FBXO32: variants seen among roughly 807,000 people sequenced by gnomAD.
FBXO32 encodes F-box protein 32, also known as F-box only protein 32.
Under a neutral mutation model 48.3 loss-of-function variants are expected in FBXO32, and 15 were observed. The ratio of observed to expected loss-of-function variants is 0.31; its 90% CI spans 0.21 to 0.48. The LOEUF is 0.48. Ranked by LOEUF, FBXO32 falls within the 20% of genes least tolerant of loss-of-function variation. The pLI is 0.99. For missense variants in FBXO32, 309 were observed against 432.7 expected (o/e 0.71, Z 2.54); for synonymous variants, 154 against 165.9 (o/e 0.93, Z 0.55).
At chr8:123,524,180 T>A (rs1458022270) in intron 4 of FBXO32, among the ~76,000 whole-genome samples, 1 of 152,134 alleles carries the variant, frequency 6.6e-6, no homozygotes, top group Non-Finnish European at 1.5e-5. Context: ...CCCTACTACA[T>A]CTAGGGTGGT....
Position 123,502,299 on chromosome 8 carries a change from A to G in FBXO32, c.*1074T>C, listed in dbSNP as rs906863084. On this transcript the variant is annotated 3_prime_UTR_variant, in exon 9 of 9. Coordinates refer to ENST00000517956, the MANE Select transcript of FBXO32 (RefSeq NM_058229.4). ...TTTCGAGCCTCAGCACTTGGGCCCC[A>G]CTCTGTCCACAGACACAGGCTTATC... The G allele has an allele frequency of 5.9e-5, 9 of 152,220 alleles. No homozygotes were observed. Among genetic ancestry groups the G allele is most frequent in the African/African-American group, 2.2e-4 (9 of 41,440 alleles). The allele number at this position is 152,220 out of a possible 1,614,324, so 9.4% of individuals were successfully genotyped here. A position where few individuals can be genotyped will look rare whatever the true frequency, so the allele number is the denominator to read the frequency against.
chr8:123,520,586 G>A, intron 4 of FBXO32, among the ~76,000 whole-genome samples: 1 of 152,184 alleles, frequency 6.6e-6, no homozygotes, highest in African/African-American at 2.4e-5. Flanking sequence ...AAATCTCAGA[G>A]CGGATATCAA....
chr8:123,533,053 T>C (rs1817241079), intron 3 of FBXO32, 138 bp downstream of exon 3: 1 of 649,932 alleles, frequency 1.5e-6, no homozygotes, highest in Admixed American at 2.9e-5. Context: ...GGCTAAATAA[T>C]AGACTAATAG....
chr8:123,511,392 G>C (rs887877757), intron 6 of FBXO32, among the ~76,000 whole-genome samples: 8 of 152,132 alleles, frequency 5.3e-5, no homozygotes, highest in African/African-American at 1.9e-4. Context: ...CAGGGTATGT[G>C]GACAGATGTG....
intron 4 of FBXO32, among the ~76,000 whole-genome samples, chr8:123,515,060 C>G (rs1816812379): frequency 6.6e-6 from 1 of 152,136 alleles, no homozygotes; most frequent in Admixed American, 6.5e-5. Context: ...TGGTGCCCCA[C>G]CCAGTTTGTT....
chr8:123,526,251 C>T (rs1817073400), intron 4 of FBXO32, among the ~76,000 whole-genome samples: 1 of 150,590 alleles, frequency 6.6e-6, no homozygotes, highest in Non-Finnish European at 1.5e-5. Flanking sequence ...GTTTCTAAAA[C>T]AACAGCCTCT....
intron 4 of FBXO32, among the ~76,000 whole-genome samples, chr8:123,527,812 G>C (rs562031232): frequency 1.3e-5 from 2 of 152,140 alleles, no homozygotes; most frequent in Admixed American, 1.3e-4. Flanking sequence ...GGTTATCCTA[G>C]ATTTACAGTT....
chr8:123,517,084 A>G (rs1018811590), intron 4 of FBXO32, among the ~76,000 whole-genome samples: 1 of 152,228 alleles, frequency 6.6e-6, no homozygotes, highest in African/African-American at 2.4e-5. Flanking sequence ...CATGACCAAC[A>G]TGAAGCAGAT....
At chr8:123,516,365 AC>A (rs1342608872) in intron 4 of FBXO32, among the ~76,000 whole-genome samples, 1 of 152,150 alleles carries the variant, frequency 6.6e-6, no homozygotes, top group Non-Finnish European at 1.5e-5. Flanking sequence ...CCTCCTTTAC[AC>A]TGAAGCTAGA....
chr8:123,504,452 C>T, intron 8 of FBXO32, 152 bp downstream of exon 8: 1 of 275,290 alleles, frequency 3.6e-6, no homozygotes, highest in Non-Finnish European at 7.1e-6. Flanking sequence ...CCCCCCCACC[C>T]TCCCAGGCAC....
chr8:123,507,520 C>T (rs888788636), intron 6 of FBXO32, among the ~76,000 whole-genome samples: 14 of 149,446 alleles, frequency 9.4e-5, no homozygotes, highest in African/African-American at 3.5e-4. Flanking sequence ...AGCCTTTGGC[C>T]CAAGCTCCAC....
rs1034524121 is a variant in FBXO32, at chr8:123,540,204, G to T, written c.116+695C>A. The stretch of plus-strand genomic sequence containing the variant: ...GACCGAGAGGGCCACCGAGGAAACA[G>T]GTGCAAGAGCCCTGTCCTCCCAGAA... On this transcript the variant is annotated intron_variant, in intron 1 of 8. Transcript: ENST00000517956. The surrounding 1 kb of genome is among the most constrained non-coding windows in gnomAD (Gnocchi z 6.4). 9.2e-5 allele frequency among the ~76,000 whole-genome samples: 14 copies of T among 152,212 alleles called. No homozygotes were observed. Among genetic ancestry groups the T allele is most frequent in the African/African-American group, 2.6e-4 (11 of 41,540 alleles).
chr8:123,539,911 A>T (rs1424504335), intron 1 of FBXO32, among the ~76,000 whole-genome samples: 2 of 152,210 alleles, frequency 1.3e-5, no homozygotes, highest in African/African-American at 2.4e-5. Flanking sequence ...AATCACTTTC[A>T]TCGCCCCCGC....
At chr8:123,529,938 C>G (rs577877154) in intron 4 of FBXO32, among the ~76,000 whole-genome samples, 42 of 152,210 alleles carry the variant, frequency 2.8e-4, no homozygotes, top group Admixed American at 9.2e-4. Flanking sequence ...AAGTGTCTTC[C>G]TCTAATACCT....
intron 4 of FBXO32, among the ~76,000 whole-genome samples, chr8:123,523,091 A>C (rs1164721438): frequency 1.3e-5 from 2 of 152,030 alleles, no homozygotes; most frequent in Non-Finnish European, 2.9e-5. Context: ...GCCATCAGAG[A>C]CCTCTTCCTG....
At chr8:123,505,941 G>A (rs116602857) in intron 7 of FBXO32, among the ~76,000 whole-genome samples, 1,859 of 152,180 alleles carry the variant, frequency 0.012, 43 homozygotes, top group African/African-American at 0.043. Context: ...AACTCAGACA[G>A]GGTGGGCATG....
At position 123,501,488 on chromosome 8, in the gene FBXO32, G is replaced by A. The variant is rs62519259; in HGVS notation, c.*1885C>T. 1 of 151,996 alleles carries A rather than the reference G, an allele frequency of 6.6e-6. No individual in the cohort carries two copies. Among genetic ancestry groups the A allele is most frequent in the African/African-American group, 2.4e-5 (1 of 41,384 alleles). 9.4% of individuals were successfully genotyped at this position (151,996 alleles called of 1,614,324 possible). On this transcript the variant is annotated 3_prime_UTR_variant, in exon 9 of 9. Transcript: ENST00000517956. ...TTTCATATTTAATTTCTCTTATTAG[G>A]GAAAATTTAAATTCAATGTAATTTT... is the stretch of plus-strand genomic sequence containing the variant.
At chr8:123,508,658 G>C (rs1265601433) in intron 6 of FBXO32, among the ~76,000 whole-genome samples, 1 of 152,184 alleles carries the variant, frequency 6.6e-6, no homozygotes, top group Non-Finnish European at 1.5e-5. Flanking sequence ...GCCAACCGCA[G>C]AAGGCCCTAG....
At chr8:123,504,224 A>G (rs1355093734) in intron 8 of FBXO32, among the ~76,000 whole-genome samples, 1 of 152,230 alleles carries the variant, frequency 6.6e-6, no homozygotes, top group Non-Finnish European at 1.5e-5. Context: ...GACAAATTAC[A>G]TGAATTACAT....
Sources: gnomAD v4.1 joint callset for allele counts (sites outside exome capture counted in the v4.1 genomes callset) on GRCh38, gnomAD v4.1.1 for gene constraint, Gnocchi (gnomAD v3.1) non-coding constraint, MANE v1.5 for transcripts, NCBI Gene and HGNC (gene_info 2026-07-23, HGNC 2026-07-21) for gene names.